GRIP1: variants seen among roughly 807,000 people sequenced by gnomAD.
GRIP1 encodes the protein glutamate receptor interacting protein 1.
In GRIP1, 45 loss-of-function variants were observed where a neutral mutation model predicts 129.9. The observed-to-expected ratio is 0.35, with a 90% CI of 0.27 to 0.44. The LOEUF (loss-of-function observed/expected upper bound fraction) is 0.44. GRIP1 is among the 20% of genes least tolerant of loss of function. The pLI is 1.00. For missense variants in GRIP1, 1,196 were observed against 1,396.8 expected (o/e 0.86, Z 2.29); for synonymous variants, 530 against 520.8 (o/e 1.02, Z -0.24).
At chr12:66,890,459 A>G (rs1313749945) in intron 1 of GRIP1, among the ~76,000 whole-genome samples, 1 of 152,220 alleles carries the variant, frequency 6.6e-6, no homozygotes, top group Non-Finnish European at 1.5e-5. Context: ...GCCTGTGAAA[A>G]CACTGATGCT....
intron 1 of GRIP1, among the ~76,000 whole-genome samples, chr12:67,042,594 C>T (rs1396358289): frequency 2.0e-5 from 3 of 152,132 alleles, no homozygotes; most frequent in African/African-American, 7.2e-5. Flanking sequence ...AATTTTCAGT[C>T]TCTTATCTGG....
chr12:66,741,920 C>A (rs745920262), intron 1 of GRIP1, among the ~76,000 whole-genome samples: 3 of 152,150 alleles, frequency 2.0e-5, no homozygotes, highest in Admixed American at 6.6e-5. Context: ...CTTTGCCAAG[C>A]ACTGTTTCTT....
chr12:66,638,698 T>G (rs2031639107), intron 1 of GRIP1, among the ~76,000 whole-genome samples: 1 of 152,212 alleles, frequency 6.6e-6, no homozygotes, highest in Non-Finnish European at 1.5e-5. Context: ...GGCCCTTCTT[T>G]AAAGGTCAGA....
chr12:66,661,458 G>T (rs1592714607), intron 1 of GRIP1, among the ~76,000 whole-genome samples: 1 of 77,892 alleles, frequency 1.3e-5, no homozygotes, highest in Non-Finnish European at 2.5e-5. Flanking sequence ...TTAGATTTTG[G>T]CAAAAAAAAA....
chr12:66,673,606 A>G (rs913413828), intron 1 of GRIP1, among the ~76,000 whole-genome samples: 15 of 152,232 alleles, frequency 9.9e-5, no homozygotes, highest in African/African-American at 3.6e-4. Context: ...CGCCATTATG[A>G]TAATTCTAAC....
chr12:67,064,995 A>G (rs1565663450), intron 1 of GRIP1: 1 of 145,966 alleles, frequency 6.9e-6, no homozygotes, highest in Non-Finnish European at 1.5e-5. Flanking sequence ...GAGTGAGAAT[A>G]TGCGGTGTTT....
intron 1 of GRIP1, among the ~76,000 whole-genome samples, chr12:66,712,220 T>G (rs915446200): frequency 6.6e-6 from 1 of 151,970 alleles, no homozygotes; most frequent in African/African-American, 2.4e-5. Flanking sequence ...GGAAAATATT[T>G]TATATTAGTA....
intron 1 of GRIP1, among the ~76,000 whole-genome samples, chr12:66,949,079 C>A (rs1334139113): frequency 6.6e-6 from 1 of 152,068 alleles, no homozygotes; most frequent in East Asian, 1.9e-4. Flanking sequence ...ATTTTTCCTA[C>A]CAAATTACCT....
At chr12:66,433,391 T>C (rs1218965876) in intron 13 of GRIP1, among the ~76,000 whole-genome samples, 1 of 152,194 alleles carries the variant, frequency 6.6e-6, no homozygotes, top group Admixed American at 6.5e-5. Flanking sequence ...CTTTAGTTTC[T>C]GTATAATGAG....
intron 1 of GRIP1, among the ~76,000 whole-genome samples, chr12:66,686,843 G>A (rs936409719): frequency 2.6e-5 from 4 of 152,130 alleles, no homozygotes; most frequent in Admixed American, 2.0e-4. Context: ...GATCACTTGA[G>A]CCCAGGAGTT....
At chr12:67,025,590 T>C (rs1257911216) in intron 1 of GRIP1, among the ~76,000 whole-genome samples, 1 of 152,202 alleles carries the variant, frequency 6.6e-6, no homozygotes, top group Non-Finnish European at 1.5e-5. Context: ...TCCTTTCATA[T>C]GTTCATTACC....
At chr12:66,473,295 G>A (rs950963220) in intron 7 of GRIP1, among the ~76,000 whole-genome samples, 3 of 152,204 alleles carry the variant, frequency 2.0e-5, no homozygotes, top group African/African-American at 7.2e-5. Flanking sequence ...TCTCTGGGCA[G>A]GGCATCTCTG....
At chr12:67,026,626 T>C (rs1304265144) in intron 1 of GRIP1, among the ~76,000 whole-genome samples, 1 of 152,232 alleles carries the variant, frequency 6.6e-6, no homozygotes, top group Non-Finnish European at 1.5e-5. Context: ...TTCTTCATTA[T>C]CCTGATGGCC....
At chr12:66,579,972 G>A (rs1260696975) in intron 2 of GRIP1, among the ~76,000 whole-genome samples, 1 of 147,936 alleles carries the variant, frequency 6.8e-6, no homozygotes, top group East Asian at 2.0e-4. Context: ...CACCAAAGTT[G>A]AAATGAAGGA....
intron 1 of GRIP1, among the ~76,000 whole-genome samples, chr12:66,998,608 G>C (rs1335160137): frequency 6.6e-6 from 1 of 151,808 alleles, no homozygotes; most frequent in African/African-American, 2.4e-5. Context: ...ACACACACTT[G>C]CCCATCACCC....
chr12:66,735,353 C>A (rs1565994757), intron 1 of GRIP1, among the ~76,000 whole-genome samples: 1 of 152,010 alleles, frequency 6.6e-6, no homozygotes, highest in Non-Finnish European at 1.5e-5. Context: ...AAAAAGACTG[C>A]AAGATAAAGA....
chr12:66,954,944 G>A (rs945524895), intron 1 of GRIP1, among the ~76,000 whole-genome samples: 3 of 152,174 alleles, frequency 2.0e-5, no homozygotes, highest in African/African-American at 4.8e-5. Flanking sequence ...TTTGCAAAGA[G>A]GGTGGCCGCA....
At chr12:66,444,215 G>A (rs368996556) in intron 13 of GRIP1, among the ~76,000 whole-genome samples, 6 of 152,102 alleles carry the variant, frequency 3.9e-5, no homozygotes, top group African/African-American at 9.7e-5. Context: ...GGCCGGGCGC[G>A]GTGGCTCACG....
chr12:66,774,214 T>C (rs991873716), intron 1 of GRIP1, among the ~76,000 whole-genome samples: 13 of 152,124 alleles, frequency 8.5e-5, no homozygotes, highest in Non-Finnish European at 1.3e-4. Flanking sequence ...TTGCCATCCA[T>C]AGAAATGGAA....
Sources: allele counts gnomAD v4.1 joint callset (sites outside exome capture counted in the v4.1 genomes callset), GRCh38; gene constraint gnomAD v4.1.1; transcripts MANE v1.5; gene names NCBI Gene and HGNC (gene_info 2026-07-23, HGNC 2026-07-21).